Variants in CSMD1 observed in about 807,000 individuals in gnomAD.
The protein encoded by CSMD1 is CUB and sushi domain-containing protein 1.
Under a neutral mutation model 417.5 loss-of-function variants are expected in CSMD1, and 213 were observed. The observed-to-expected ratio is 0.51, with a 90% CI of 0.46 to 0.57. The LOEUF (loss-of-function observed/expected upper bound fraction) is 0.57, where lower values mean the gene tolerates loss of function less well. CSMD1 is among the 20% of genes least tolerant of loss of function. The pLI is 0.00. For missense variants in CSMD1, 6,923 were observed against 4,529.7 expected (o/e 1.53, Z -15.17); for synonymous variants, 2,862 against 1,736.8 (o/e 1.65, Z -16.11).
At chr8:3,694,772 G>C (rs1800454908) in intron 7 of CSMD1, among the ~76,000 whole-genome samples, 1 of 151,774 alleles carries the variant, frequency 6.6e-6, no homozygotes, top group Non-Finnish European at 1.5e-5. Context: ...GAAGTGGAAA[G>C]AGCGGTCCAA....
At chr8:4,981,910 C>T (rs1048735889) in intron 1 of CSMD1, among the ~76,000 whole-genome samples, 2 of 152,306 alleles carry the variant, frequency 1.3e-5, no homozygotes, top group Admixed American at 6.5e-5. Flanking sequence ...CCCAACCCCA[C>T]TCCTAACCTG....
intron 11 of CSMD1, among the ~76,000 whole-genome samples, chr8:3,481,749 A>T (rs1585229454): frequency 6.6e-6 from 1 of 152,196 alleles, no homozygotes; most frequent in Non-Finnish European, 1.5e-5. Flanking sequence ...TGTGGCCACA[A>T]GCCAAGGAAC....
chr8:3,896,878 C>G (rs1245005145), intron 5 of CSMD1, among the ~76,000 whole-genome samples: 1 of 151,950 alleles, frequency 6.6e-6, no homozygotes, highest in Non-Finnish European at 1.5e-5. Flanking sequence ...GCTTGTCTAT[C>G]ACCTAATTCT....
intron 3 of CSMD1, among the ~76,000 whole-genome samples, chr8:4,099,499 T>G (rs57423877): frequency 0.22 from 32,708 of 151,998 alleles, 4,393 homozygotes; most frequent in African/African-American, 0.37. Context: ...CAGCCTTCAA[T>G]GCTGTTCACT....
intron 1 of CSMD1, among the ~76,000 whole-genome samples, chr8:4,747,291 C>G (rs1210514840): frequency 6.6e-6 from 1 of 152,178 alleles, no homozygotes; most frequent in Admixed American, 6.6e-5. Flanking sequence ...ATTTTCTACT[C>G]TGAACGGAGC....
intron 2 of CSMD1, among the ~76,000 whole-genome samples, chr8:4,630,258 C>T (rs2724955): frequency 0.47 from 66,942 of 143,144 alleles, 15,495 homozygotes; most frequent in Admixed American, 0.64. Flanking sequence ...AATAAGCACA[C>T]AGCAAATACA....
rs36145371 is a variant in CSMD1 at position 4,041,017 on chromosome 8, C to CTTT, written c.416-8921_416-8919dup. Among the ~76,000 whole-genome samples, 214 of 100,182 alleles carry CTTT rather than the reference C, an allele frequency of 2.1e-3. 6 individuals carry two copies. The highest frequency in any genetic ancestry group is 3.1e-3 in the Non-Finnish European group (151 of 48,972). The allele number at this position is 100,182 out of a possible 152,430, so 65.7% of individuals were successfully genotyped here. Reference sequence around the variant, plus strand: ...TTTCTTTTCTTTCTTTTTTTTTTTCCTTTTTTTTTTTTTTTTTGAGACGGA... The same window carrying CTTT: ...TTTCTTTTCTTTCTTTTTTTTTTTCCTTTTTTTTTTTTTTTTTTTTGAGACGGA... On this transcript the variant is annotated intron_variant, in intron 3 of 69. Transcript: ENST00000635120.
At chr8:3,793,431 C>G (rs1475890856) in intron 5 of CSMD1, among the ~76,000 whole-genome samples, 2 of 152,140 alleles carry the variant, frequency 1.3e-5, no homozygotes, top group Non-Finnish European at 2.9e-5. Context: ...GCCACTGTCT[C>G]TGCAAGAACT....
intron 18 of CSMD1, among the ~76,000 whole-genome samples, chr8:3,386,009 C>G (rs1423461655): frequency 7.9e-5 from 12 of 152,194 alleles, no homozygotes; most frequent in Admixed American, 7.9e-4. Flanking sequence ...TAAATTCTTA[C>G]TGTCTTTCCT....
chr8:4,853,065 T>G (rs908895591), intron 1 of CSMD1, among the ~76,000 whole-genome samples: 1 of 152,174 alleles, frequency 6.6e-6, no homozygotes, highest in Non-Finnish European at 1.5e-5. Flanking sequence ...AGCATAAACA[T>G]TTGGAAAATT....
chr8:3,438,679 A>G (rs1814734587), intron 12 of CSMD1, among the ~76,000 whole-genome samples: 1 of 152,158 alleles, frequency 6.6e-6, no homozygotes. Context: ...CCTGTCTTTG[A>G]CTATTATGAC....
At chr8:4,647,295 G>A (rs1256292154) in intron 1 of CSMD1, among the ~76,000 whole-genome samples, 1 of 150,230 alleles carries the variant, frequency 6.7e-6, no homozygotes, top group Non-Finnish European at 1.5e-5. Flanking sequence ...TGCACAAACT[G>A]CAGGTTTGTT....
chr8:3,971,209 A>G (rs1813063443), intron 5 of CSMD1, among the ~76,000 whole-genome samples: 1 of 152,122 alleles, frequency 6.6e-6, no homozygotes, highest in Non-Finnish European at 1.5e-5. Flanking sequence ...TCGTGTTCAG[A>G]GGCGCTGCTT....
intron 3 of CSMD1, among the ~76,000 whole-genome samples, chr8:4,270,346 C>G (rs1804509616): frequency 6.9e-6 from 1 of 145,672 alleles, no homozygotes; most frequent in Non-Finnish European, 1.5e-5. Context: ...GATTCACACT[C>G]TGTTTCCACT....
chr8:3,845,953 C>G (rs10093887), intron 5 of CSMD1, among the ~76,000 whole-genome samples: 46,522 of 151,810 alleles, frequency 0.31, 7,220 homozygotes, highest in African/African-American at 0.32. Context: ...TGTCCCACTG[C>G]AGGCTCCTCA....
intron 1 of CSMD1, among the ~76,000 whole-genome samples, chr8:4,959,011 GCTTT>G (rs1809302747): frequency 6.6e-6 from 1 of 152,130 alleles, no homozygotes; most frequent in Non-Finnish European, 1.5e-5. Flanking sequence ...TTAATTGTAT[GCTTT>G]AACTGAGATT....
chr8:4,649,534 A>G (rs1412479618), intron 1 of CSMD1, among the ~76,000 whole-genome samples: 1 of 152,214 alleles, frequency 6.6e-6, no homozygotes, highest in Non-Finnish European at 1.5e-5. Flanking sequence ...TGCTCATCCT[A>G]TCCTGACACA....
intron 2 of CSMD1, among the ~76,000 whole-genome samples, chr8:4,446,540 C>G (rs925987462): frequency 2.0e-5 from 3 of 152,074 alleles, no homozygotes; most frequent in African/African-American, 7.2e-5. Flanking sequence ...GAATGAGACC[C>G]CGGTTCTGCT....
intron 2 of CSMD1, among the ~76,000 whole-genome samples, chr8:4,458,794 A>C (rs867085220): frequency 1.3e-5 from 2 of 152,186 alleles, no homozygotes. Context: ...GGAATATTTA[A>C]TTTTTTTTAA....
Sources: allele counts gnomAD v4.1 joint callset (sites outside exome capture counted in the v4.1 genomes callset), GRCh38; gene constraint gnomAD v4.1.1; transcripts MANE v1.5; gene names NCBI Gene and HGNC (gene_info 2026-07-23, HGNC 2026-07-21).